CGGBP1: variants seen among roughly 807,000 people sequenced by gnomAD.
CGGBP1 encodes CGG triplet repeat-binding protein 1.
A neutral mutation model predicts 11.4 loss-of-function variants in CGGBP1; 4 were observed. The observed-to-expected ratio is 0.35, with a 90% CI of 0.17 to 0.80. CGGBP1 has a LOEUF of 0.80. Among genes scored for constraint, CGGBP1 ranks in the 30% least tolerant of loss-of-function variants. CGGBP1 has a pLI of 0.52. For synonymous variants in CGGBP1, 76 were observed against 74.1 expected, an observed-to-expected ratio of 1.03 and a Z score of -0.13; for missense variants, 135 against 202.1, an observed-to-expected ratio of 0.67 and a Z score of 2.01.
intron 2 of CGGBP1, among the ~76,000 whole-genome samples, chr3:88,075,025 A>G (rs1404403328): frequency 6.6e-6 from 1 of 152,224 alleles, no homozygotes; most frequent in East Asian, 1.9e-4. Flanking sequence ...TCCTGAAAGT[A>G]GTATCCTAAT....
intron 2 of CGGBP1, among the ~76,000 whole-genome samples, chr3:88,119,047 A>G (rs528119567): frequency 6.7e-6 from 1 of 149,866 alleles, no homozygotes; most frequent in African/African-American, 2.5e-5. Flanking sequence ...ATATACCCAA[A>G]GGACTATAAA....
At chr3:88,059,201 CT>C, upstream of CGGBP1, 2 of 1,452,014 alleles carry the variant, frequency 1.4e-6, no homozygotes, top group Non-Finnish European at 1.8e-6. Context: ...CGAGAGGCCC[CT>C]GTCCGGCTAG....
chr3:88,086,939 C>T (rs1426478846), intron 2 of CGGBP1, among the ~76,000 whole-genome samples: 1 of 152,122 alleles, frequency 6.6e-6, no homozygotes, highest in East Asian at 1.9e-4. Flanking sequence ...CCCGCCACCA[C>T]GCCTGGCTAA....
intron 2 of CGGBP1, among the ~76,000 whole-genome samples, chr3:88,084,795 T>G (rs554069465): frequency 1.3e-5 from 2 of 152,218 alleles, no homozygotes; most frequent in Admixed American, 6.5e-5. Context: ...GTGTTTATGA[T>G]GATGCCCCTT....
chr3:88,081,916 C>T (rs929276262), intron 2 of CGGBP1, among the ~76,000 whole-genome samples: 5 of 152,116 alleles, frequency 3.3e-5, no homozygotes, highest in African/African-American at 4.8e-5. Flanking sequence ...TATACAACTA[C>T]GTTACAAATG....
intron 2 of CGGBP1, among the ~76,000 whole-genome samples, chr3:88,117,956 AACAAC>A (rs1192430124): frequency 1.3e-5 from 2 of 151,996 alleles, no homozygotes; most frequent in Non-Finnish European, 2.9e-5. Context: ...AAAAAAAAAA[AACAAC>A]CAAGAACATT....
chr3:88,109,075 G>T (rs150586785), intron 2 of CGGBP1, among the ~76,000 whole-genome samples: 1 of 151,568 alleles, frequency 6.6e-6, no homozygotes, highest in African/African-American at 2.4e-5. Context: ...GGTGCTATCC[G>T]TGGTTTCAAG....
chr3:88,062,561 G>C (rs1242866482), upstream of CGGBP1, among the ~76,000 whole-genome samples: 1 of 152,176 alleles, frequency 6.6e-6, no homozygotes, highest in African/African-American at 2.4e-5. Context: ...TCTAATTCCT[G>C]AAAGTTTTAA....
Position 88,067,991 on chromosome 3 carries a change from A to G in CGGBP1, c.-228-9768T>C, listed in dbSNP as rs567742019. On this transcript the variant is annotated intron_variant, in intron 2 of 3. Coordinates refer to the CGGBP1 transcript ENST00000462901. ...AAATCTACAAAAGAAGGGATTATCT[A>G]TATTATAAGACCCCTGAAGGGGAGT... Among the ~76,000 whole-genome samples, 113 of 152,204 alleles carry G rather than the reference A, an allele frequency of 7.4e-4. 1 individual carries two copies. The highest frequency in any genetic ancestry group is 2.6e-3 in the African/African-American group (110 of 41,530).
chr3:88,145,642 C>G (rs1400928275), intron 1 of CGGBP1, among the ~76,000 whole-genome samples: 4 of 152,010 alleles, frequency 2.6e-5, no homozygotes, highest in African/African-American at 9.7e-5. Context: ...TGTACTGATA[C>G]CAAGAATCAA....
chr3:88,105,409 T>C (rs1212937530), intron 2 of CGGBP1, among the ~76,000 whole-genome samples: 3 of 152,232 alleles, frequency 2.0e-5, no homozygotes, highest in African/African-American at 7.2e-5. Flanking sequence ...TGATGTAGCA[T>C]AGTCAGTCAA....
At chr3:88,128,437 T>C (rs932790094) in intron 2 of CGGBP1, among the ~76,000 whole-genome samples, 1 of 152,098 alleles carries the variant, frequency 6.6e-6, no homozygotes, top group Non-Finnish European at 1.5e-5. Context: ...AAAGAAAATA[T>C]TGAGCAGTAA....
chr3:88,113,695 C>A (rs1475866789), intron 2 of CGGBP1, among the ~76,000 whole-genome samples: 4 of 152,090 alleles, frequency 2.6e-5, no homozygotes, highest in Admixed American at 6.6e-5. Flanking sequence ...GACATTTGAT[C>A]TTTTTACTAC....
intron 2 of CGGBP1, among the ~76,000 whole-genome samples, chr3:88,109,165 G>GTA (rs1237887938): frequency 6.6e-6 from 1 of 151,620 alleles, no homozygotes; most frequent in Non-Finnish European, 1.5e-5. Flanking sequence ...GTGTGTGTGT[G>GTA]TGTGTGTGTG....
chr3:88,077,834 C>T (rs6551268), intron 2 of CGGBP1, among the ~76,000 whole-genome samples: 119,174 of 152,114 alleles, frequency 0.78, 47,603 homozygotes, highest in South Asian at 0.91. Context: ...AATCATTTCT[C>T]AAAACCAAGG....
intron 2 of CGGBP1, among the ~76,000 whole-genome samples, chr3:88,123,420 GTCAAGTATA>G (rs1576325534): frequency 6.6e-6 from 1 of 152,172 alleles, no homozygotes; most frequent in Non-Finnish European, 1.5e-5. Context: ...ATTGGCAAGA[GTCAAGTATA>G]TAATTCATAA....
upstream of CGGBP1, among the ~76,000 whole-genome samples, chr3:88,060,283 G>A (rs1246535201): frequency 9.9e-5 from 15 of 152,006 alleles, no homozygotes; most frequent in Non-Finnish European, 4.4e-5. Flanking sequence ...GTGTCTGAAC[G>A]GTGACATTAA....
At chr3:88,086,813 C>T (rs561772617) in intron 2 of CGGBP1, among the ~76,000 whole-genome samples, 3 of 152,226 alleles carry the variant, frequency 2.0e-5, no homozygotes, top group East Asian at 1.9e-4. Flanking sequence ...GAAGGAGTCT[C>T]GCTCTGTCGC....
upstream of CGGBP1, chr3:88,059,406 G>A (rs1465219478): frequency 1.3e-6 from 2 of 1,532,628 alleles, no homozygotes; most frequent in South Asian, 1.2e-5. Context: ...GCCCTGTGGG[G>A]CTTAGAGCTG....
Sources: gnomAD v4.1 joint callset for allele counts (sites outside exome capture counted in the v4.1 genomes callset) on GRCh38, gnomAD v4.1.1 for gene constraint, MANE v1.5 for transcripts, NCBI Gene and HGNC (gene_info 2026-07-23, HGNC 2026-07-21) for gene names.